SYK: variants seen among roughly 807,000 people sequenced by gnomAD.
SYK encodes spleen associated tyrosine kinase.
In SYK, 16 loss-of-function variants were observed where a neutral mutation model predicts 77.8. The observed-to-expected ratio is 0.21, with a 90% CI of 0.14 to 0.31. The LOEUF is 0.31. SYK is among the 10% of genes least tolerant of loss of function. The pLI, the probability that SYK is intolerant of heterozygous loss-of-function variation, is 1.00. For missense variants in SYK, 529 were observed against 814.4 expected (o/e 0.65, Z 4.26); for synonymous variants, 312 against 308.7 (o/e 1.01, Z -0.11).
chr9:90,854,904 C>T (rs1036704504), intron 3 of SYK, among the ~76,000 whole-genome samples: 3 of 151,942 alleles, frequency 2.0e-5, no homozygotes, highest in Admixed American at 6.6e-5. Flanking sequence ...CACTCGTTAT[C>T]TCCACCTCTC....
intron 3 of SYK, among the ~76,000 whole-genome samples, chr9:90,858,336 A>C (rs574314597): frequency 2.6e-5 from 4 of 152,374 alleles, no homozygotes; most frequent in African/African-American, 9.6e-5. Flanking sequence ...GCTTCTCAGC[A>C]TCATCTCAAG....
intron 1 of SYK, among the ~76,000 whole-genome samples, chr9:90,835,845 A>G (rs1826058226): frequency 6.6e-6 from 1 of 152,242 alleles, no homozygotes; most frequent in Non-Finnish European, 1.5e-5. Context: ...TTACAAAAGC[A>G]ACATACAATT....
Position 90,895,390 on chromosome 9 carries a change from C to T in SYK, c.1836-138C>T. Reference sequence around the variant, plus strand: ...CACCCTGGGGTGGGGGGCACAGGGACCACGCTGTGAGCTGCAGGCCCTAGA... The same window carrying T: ...CACCCTGGGGTGGGGGGCACAGGGATCACGCTGTGAGCTGCAGGCCCTAGA... On this transcript the variant is annotated intron_variant, in intron 13 of 13. Transcript: ENST00000375754. This position sits in a 1 kb window ranked among gnomAD's most constrained non-coding sequence, Gnocchi z 4.4. 1 of 830,106 alleles carries T rather than the reference C, an allele frequency of 1.2e-6. No individual in the cohort carries two copies. Among genetic ancestry groups the T allele is most frequent in the South Asian group, 1.5e-5 (1 of 64,748 alleles). The allele number at this position is 830,106 out of a possible 1,614,324, so 51.4% of individuals were successfully genotyped here.
chr9:90,853,331 C>T (rs7026277), intron 3 of SYK, among the ~76,000 whole-genome samples: 2,257 of 150,870 alleles, frequency 0.015, 59 homozygotes, highest in African/African-American at 0.053. Flanking sequence ...CAGGCAGATG[C>T]AACAAAAGAG....
At chr9:90,864,808 G>A (rs1482342746) in intron 5 of SYK, 141 bp downstream of exon 5, 14 of 763,184 alleles carry the variant, frequency 1.8e-5, no homozygotes, top group Non-Finnish European at 2.0e-5. Context: ...AGAGCACTCC[G>A]ATTTTGTATA....
chr9:90,888,393 T>C (rs565001640), intron 12 of SYK, 122 bp from the exon 13 acceptor site: 1 of 738,754 alleles, frequency 1.4e-6, no homozygotes, highest in South Asian at 2.1e-5. Context: ...CTCCTGTTTT[T>C]ATACTTCGTA....
At chr9:90,879,011 G>T in intron 11 of SYK, 58 bp downstream of exon 11, 2 of 1,293,936 alleles carry the variant, frequency 1.5e-6, no homozygotes, top group Non-Finnish European at 2.2e-6. Context: ...CAAGATAAAT[G>T]TACGTTTTCT....
intron 7 of SYK, among the ~76,000 whole-genome samples, chr9:90,871,765 G>A (rs1827734738): frequency 6.6e-6 from 1 of 152,196 alleles, no homozygotes; most frequent in Non-Finnish European, 1.5e-5. Context: ...AGGGAGCCCA[G>A]GGATCTGGGT....
chr9:90,887,218 G>T (rs947734855), intron 11 of SYK, among the ~76,000 whole-genome samples: 1 of 152,096 alleles, frequency 6.6e-6, no homozygotes, highest in Non-Finnish European at 1.5e-5. Context: ...ATGTCCTCTA[G>T]GCTCATGCAT....
intron 7 of SYK, among the ~76,000 whole-genome samples, chr9:90,868,083 A>G (rs1171948698): frequency 6.6e-6 from 1 of 152,234 alleles, no homozygotes. Context: ...GAAATAAAAG[A>G]CATAAAACCC....
intron 1 of SYK, among the ~76,000 whole-genome samples, chr9:90,821,769 G>A (rs913333116): frequency 3.3e-5 from 5 of 152,048 alleles, no homozygotes; most frequent in African/African-American, 9.7e-5. Flanking sequence ...TTGCATTTTT[G>A]TTCCTTTTTT....
chr9:90,878,635 A>G, intron 10 of SYK, 129 bp from the exon 11 acceptor site: 9 of 694,478 alleles, frequency 1.3e-5, no homozygotes, highest in Non-Finnish European at 1.5e-5. Flanking sequence ...ATTTGTCACC[A>G]CTCGTGAGTT....
At chr9:90,867,251 C>T in intron 7 of SYK, 52 bp downstream of exon 7, 1 of 1,575,714 alleles carries the variant, frequency 6.3e-7, no homozygotes, top group Non-Finnish European at 8.7e-7. Flanking sequence ...GACCAACGCG[C>T]ACTCAGCTCC....
rs1271692419 is a variant in SYK, at chr9:90,895,371, G to A, written c.1836-157G>A. Among the ~76,000 whole-genome samples, 1 of 152,188 alleles carries A rather than the reference G, an allele frequency of 6.6e-6. No homozygotes were observed. Among genetic ancestry groups the A allele is most frequent in the Non-Finnish European group, 1.5e-5 (1 of 68,036 alleles). On this transcript the variant is annotated intron_variant, in intron 13 of 13. Transcript: ENST00000375754. The surrounding 1 kb of genome is among the most constrained non-coding windows in gnomAD (Gnocchi z 4.4). ...TTTTTGACAGCCTTGTGGTCACCCT[G>A]GGGTGGGGGGCACAGGGACCACGCT... is the stretch of plus-strand genomic sequence containing the variant.
intron 7 of SYK, among the ~76,000 whole-genome samples, chr9:90,867,673 G>A (rs1256487898): frequency 6.6e-6 from 1 of 152,124 alleles, no homozygotes; most frequent in Non-Finnish European, 1.5e-5. Flanking sequence ...CTTCATTATG[G>A]CTTAGACGTC....
At chr9:90,814,963 T>C (rs1452796627) in intron 1 of SYK, among the ~76,000 whole-genome samples, 1 of 152,180 alleles carries the variant, frequency 6.6e-6, no homozygotes, top group Non-Finnish European at 1.5e-5. Context: ...TGGAGAAAGC[T>C]ACTAAGTCAT....
At chr9:90,874,577 C>CT in intron 8 of SYK, 95 bp from the exon 9 acceptor site, 2 of 1,410,232 alleles carry the variant, frequency 1.4e-6, no homozygotes, top group African/African-American at 2.9e-5. Flanking sequence ...TGATGCTACT[C>CT]TGAGTTCATA....
intron 1 of SYK, among the ~76,000 whole-genome samples, chr9:90,842,451 G>A (rs957426505): frequency 6.0e-5 from 9 of 150,960 alleles, no homozygotes; most frequent in East Asian, 3.9e-4. Flanking sequence ...TGGTGTGTGC[G>A]GTGTGTTTCA....
chr9:90,881,690 A>AAAAAAAAAAAAAAG (rs1310314570), intron 11 of SYK, among the ~76,000 whole-genome samples: 1 of 149,910 alleles, frequency 6.7e-6, no homozygotes, highest in Non-Finnish European at 1.5e-5. Context: ...AAAAAAAAAA[A>AAAAAAAAAAAAAAG]GGAATAAAAA....
Sources: gnomAD v4.1 joint callset for allele counts (sites outside exome capture counted in the v4.1 genomes callset) on GRCh38, gnomAD v4.1.1 for gene constraint, Gnocchi (gnomAD v3.1) non-coding constraint, MANE v1.5 for transcripts, NCBI Gene and HGNC (gene_info 2026-07-23, HGNC 2026-07-21) for gene names.